Variants in EPB42 observed in about 807,000 individuals in gnomAD.
EPB42 encodes protein 4.2.
A neutral mutation model predicts 76.9 loss-of-function variants in EPB42; 49 were observed. The ratio of observed to expected loss-of-function variants is 0.64; its 90% CI spans 0.51 to 0.81. The LOEUF (loss-of-function observed/expected upper bound fraction) is 0.81. EPB42 is among the 30% of genes least tolerant of loss of function. The pLI, the probability that EPB42 is intolerant of heterozygous loss-of-function variation, is 0.00. For missense variants in EPB42, 731 were observed against 867.6 expected (o/e 0.84, Z 1.98); for synonymous variants, 310 against 338.4 (o/e 0.92, Z 0.92).
intron 12 of EPB42, 46 bp from the exon 13 acceptor site, chr15:43,197,510 T>C (rs770852599): frequency 6.2e-7 from 1 of 1,610,536 alleles, no homozygotes; most frequent in Non-Finnish European, 8.5e-7. Flanking sequence ...CCAGGTTCAT[T>C]GCTCTGCTGG....
chr15:43,212,610 T>A (rs546620262), intron 3 of EPB42, among the ~76,000 whole-genome samples: 1 of 151,460 alleles, frequency 6.6e-6, no homozygotes, highest in Non-Finnish European at 1.5e-5. Context: ...GGTTGGAGGG[T>A]TGGAAGGAGC....
rs753379313 is a variant in EPB42 at position 43,209,416 on chromosome 15, G to A, written c.690C>T (p.Thr230=). 6.2e-7 allele frequency: 1 copy of A among 1,613,352 alleles called. No homozygotes were observed. Among genetic ancestry groups the A allele is most frequent in the Non-Finnish European group, 8.5e-7 (1 of 1,179,630 alleles). The stretch of plus-strand genomic sequence containing the variant: ...CTTCCTGGGTGGCCTGGGTCTGCGG[G>A]GTGGGCAGGACCCTCTGCTCCTTGA... The part of the protein sequence containing the change: ...HFLKEQRVLP[T]PQTQATQEGA... The change falls in exon 6 of 13, where the codon ACC becomes ACT. Residue 230 remains threonine, a synonymous_variant. Coordinates refer to ENST00000441366, the MANE Select transcript of EPB42 (RefSeq NM_001114134.2).
intron 1 of EPB42, among the ~76,000 whole-genome samples, chr15:43,218,718 C>A (rs1444938226): frequency 1.3e-5 from 2 of 152,242 alleles, no homozygotes; most frequent in Admixed American, 1.3e-4. Context: ...GGGCCTCAGG[C>A]CCCCACCTGT....
At position 43,220,652 on chromosome 15, in the gene EPB42, C is replaced by T. The variant is rs529800008; in HGVS notation, c.10+164G>A. ...TCTACCAGCACCCACCTACCACACCCCCCCCCCACAGCCACCTCATTATCA... is the reference window on the plus strand; with the variant it reads ...TCTACCAGCACCCACCTACCACACCTCCCCCCCACAGCCACCTCATTATCA... On this transcript the variant is annotated intron_variant, in intron 1 of 12. Transcript: ENST00000441366. 1.1e-5 allele frequency: 10 copies of T among 917,522 alleles called. 1 individual carries two copies. In the East Asian group the frequency reaches 2.3e-4, roughly 22 times the overall value. The allele number at this position is 917,522 out of a possible 1,614,324, so 56.8% of individuals were successfully genotyped here.
chr15:43,214,843 G>T (rs1156851422), intron 3 of EPB42, among the ~76,000 whole-genome samples: 1 of 152,214 alleles, frequency 6.6e-6, no homozygotes, highest in Non-Finnish European at 1.5e-5. Context: ...ACCAGGGTCT[G>T]GTGGTGAGAC....
intron 11 of EPB42, 85 bp from the exon 12 acceptor site, chr15:43,202,062 C>G (rs2042134814): frequency 1.9e-6 from 3 of 1,593,728 alleles, no homozygotes. Context: ...GTACCCTCCT[C>G]AGTAAGTTTC....
intron 11 of EPB42, 32 bp downstream of exon 11, chr15:43,203,083 C>T (rs749088636): frequency 5.9e-5 from 95 of 1,613,444 alleles, no homozygotes; most frequent in East Asian, 3.8e-4. Context: ...TGGTGGCAGA[C>T]GAGGGCAACT....
At chr15:43,200,891 T>G (rs2042115088) in intron 12 of EPB42, among the ~76,000 whole-genome samples, 1 of 151,452 alleles carries the variant, frequency 6.6e-6, no homozygotes, top group Non-Finnish European at 1.5e-5. Flanking sequence ...CTCGGCTCAC[T>G]GCAAGCTCCG....
Position 43,209,386 on chromosome 15 carries a change from G to C in EPB42, c.720C>G (p.Ala240=). ...TPQTQATQEG[A]LLNKRRGSVP... ...CGCTGCCCCGGCGCTTGTTCAGCAA[G>C]GCCCCTTCCTGGGTGGCCTGGGTCT... The change falls in exon 6 of 13, where the codon GCC becomes GCG. Residue 240 remains alanine (A), a synonymous_variant. Coordinates refer to ENST00000441366, the MANE Select transcript of EPB42 (RefSeq NM_001114134.2). 6.2e-7 allele frequency: 1 copy of C among 1,613,956 alleles called. No individual in the cohort carries two copies.
chr15:43,217,716 A>T (rs2042399688), intron 1 of EPB42, among the ~76,000 whole-genome samples: 1 of 152,160 alleles, frequency 6.6e-6, no homozygotes, highest in Non-Finnish European at 1.5e-5. Context: ...ACAGGTATGA[A>T]ATGAGGTCTA....
chr15:43,209,539 T>C, intron 5 of EPB42, 88 bp from the exon 6 acceptor site: 1 of 1,416,578 alleles, frequency 7.1e-7, no homozygotes, highest in Non-Finnish European at 9.7e-7. Flanking sequence ...ATCACAGTAC[T>C]CCAACCATGG....
intron 11 of EPB42, 88 bp downstream of exon 11, chr15:43,203,027 A>G (rs2042148937): frequency 6.6e-7 from 1 of 1,506,498 alleles, no homozygotes; most frequent in African/African-American, 1.4e-5. Flanking sequence ...CAGCACAGTC[A>G]TCTGCTCTGA....
chr15:43,200,466 A>G (rs1013052923), intron 12 of EPB42, among the ~76,000 whole-genome samples: 2 of 152,244 alleles, frequency 1.3e-5, no homozygotes, highest in Non-Finnish European at 2.9e-5. Context: ...TATACAGGAA[A>G]CTTCTACAGA....
At chr15:43,212,877 T>C (rs1363082504) in intron 3 of EPB42, among the ~76,000 whole-genome samples, 1 of 152,146 alleles carries the variant, frequency 6.6e-6, no homozygotes, top group Non-Finnish European at 1.5e-5. Flanking sequence ...TAGACTAGTT[T>C]CTGGGGACTA....
intron 3 of EPB42, among the ~76,000 whole-genome samples, chr15:43,213,283 C>T (rs2042328251): frequency 6.6e-6 from 1 of 152,132 alleles, no homozygotes; most frequent in Non-Finnish European, 1.5e-5. Flanking sequence ...GGCCTGTGAG[C>T]AGGGCTCCAA....
chr15:43,219,878 G>A (rs1315859236), intron 1 of EPB42, among the ~76,000 whole-genome samples: 4 of 151,654 alleles, frequency 2.6e-5, no homozygotes, highest in Admixed American at 6.6e-5. Context: ...CCCAGGAGGC[G>A]GAGGTTGCAG....
At position 43,208,277 on chromosome 15, in the gene EPB42, T is replaced by C. The variant is rs781043073; in HGVS notation, c.1028A>G (p.Tyr343Cys). ...TGGGTGCAGAATCTGCCATCCATCA[T>C]AACCCTGGGGCAAGGCAGGCCGCGT... Reference protein sequence around the residue: ...WMTRPALPQGYDGWQILHPSA... With the variant: ...WMTRPALPQGCDGWQILHPSA... The change falls in exon 8 of 13, where the codon TAT becomes TGT. Residue 343 changes from tyrosine (Y) to cysteine (C), a missense_variant. Physicochemically the swap from Tyr to Cys is radical, Grantham distance 194. Transcript: ENST00000441366. 6.2e-7 allele frequency: 1 copy of C among 1,614,150 alleles called. No homozygotes were observed. Among genetic ancestry groups the C allele is most frequent in the East Asian group, 2.2e-5 (1 of 44,880 alleles).
chr15:43,208,547 C>G, intron 7 of EPB42, 90 bp downstream of exon 7: 3 of 1,587,592 alleles, frequency 1.9e-6, no homozygotes, highest in Non-Finnish European at 2.6e-6. Flanking sequence ...CATGCCAGGG[C>G]CATGCAGGGG....
chr15:43,225,676 CA>C (rs1369810148), upstream of EPB42, among the ~76,000 whole-genome samples: 1 of 152,152 alleles, frequency 6.6e-6, no homozygotes, highest in Non-Finnish European at 1.5e-5. Context: ...GTGCGTACAC[CA>C]TTAGCTATTT....
Sources: gnomAD v4.1 joint callset for allele counts (sites outside exome capture counted in the v4.1 genomes callset) on GRCh38, gnomAD v4.1.1 for gene constraint, MANE v1.5 for transcripts, NCBI Gene and HGNC (gene_info 2026-07-23, HGNC 2026-07-21) for gene names.